Variants in A1CF observed in about 807,000 individuals in gnomAD.
A1CF encodes APOBEC1 complementation factor.
A neutral mutation model predicts 68.9 loss-of-function variants in A1CF; 48 were observed. The observed-to-expected ratio is 0.70, with a 90% CI of 0.55 to 0.89. The LOEUF is 0.89. Ranked by LOEUF, A1CF falls within the 40% of genes least tolerant of loss-of-function variation. The pLI, the probability that A1CF is intolerant of heterozygous loss-of-function variation, is 0.00. For synonymous variants in A1CF, 272 were observed against 260.4 expected, an observed-to-expected ratio of 1.04 and a Z score of -0.43; for missense variants, 653 against 718.9, an observed-to-expected ratio of 0.91 and a Z score of 1.05.
intron 1 of A1CF, among the ~76,000 whole-genome samples, chr10:50,884,358 G>A (rs549398380): frequency 6.6e-6 from 1 of 152,170 alleles, no homozygotes; most frequent in African/African-American, 2.4e-5. Context: ...ACAGTAAAAT[G>A]TTAAGAGTTG....
At chr10:50,813,415 C>T (rs188519292) in intron 10 of A1CF, among the ~76,000 whole-genome samples, 1 of 152,126 alleles carries the variant, frequency 6.6e-6, no homozygotes, top group Non-Finnish European at 1.5e-5. Context: ...ACCCAGATAT[C>T]ATGGTGGAGT....
Position 50,813,888 on chromosome 10 carries a change from A to G in A1CF, c.1292T>C (p.Leu431Ser), listed in dbSNP as rs140399088. 1.2e-6 allele frequency: 2 copies of G among 1,613,776 alleles called. No individual in the cohort carries two copies. The highest frequency in any genetic ancestry group is 2.7e-5 in the African/African-American group (2 of 74,922). The change falls in exon 10 of 13, where the codon TTA becomes TCA. Residue 431 changes from leucine to serine, a missense_variant. Coordinates refer to ENST00000373997, the MANE Select transcript of A1CF (RefSeq NM_014576.4). ...AGCGAGTTTAATTCCTTGGGGTTTT[A>G]ATGTGACAGGATTCATTGGGGTGAG... Reference protein sequence around the residue: ...MELTPMNPVTLKPQGIKLAPQ... With the variant: ...MELTPMNPVTSKPQGIKLAPQ...
At chr10:50,837,553 C>CTACCGTGA (rs1839561137) in intron 5 of A1CF, among the ~76,000 whole-genome samples, 1 of 152,188 alleles carries the variant, frequency 6.6e-6, no homozygotes, top group African/African-American at 2.4e-5. Context: ...AAATACCTCA[C>CTACCGTGA]GGTAAAGAAC....
At chr10:50,834,641 G>T (rs201984183) in intron 6 of A1CF, among the ~76,000 whole-genome samples, 1 of 152,196 alleles carries the variant, frequency 6.6e-6, no homozygotes, top group African/African-American at 2.4e-5. Context: ...TGGCCAGTTA[G>T]TGACAGACAT....
chr10:50,858,921 C>G (rs1840611688), intron 3 of A1CF, among the ~76,000 whole-genome samples: 1 of 151,964 alleles, frequency 6.6e-6, no homozygotes, highest in Non-Finnish European at 1.5e-5. Flanking sequence ...ATAACTATTA[C>G]TATGTCTAAC....
At chr10:50,873,034 C>A (rs1189953479) in intron 1 of A1CF, among the ~76,000 whole-genome samples, 2 of 136,376 alleles carry the variant, frequency 1.5e-5, no homozygotes, top group East Asian at 2.4e-4. Context: ...CAGCTCACTG[C>A]AACTTTCTCC....
Position 50,805,654 on chromosome 10 carries a change from G to C in A1CF, c.*1075C>G, listed in dbSNP as rs1201450793. The C allele has an allele frequency of 6.6e-6, 1 of 152,166 alleles. No homozygotes were observed. Among genetic ancestry groups the C allele is most frequent in the Non-Finnish European group, 1.5e-5 (1 of 68,028 alleles). 9.4% of individuals were successfully genotyped at this position (152,166 alleles called of 1,614,324 possible). ...GAAACAAAAAGGAAGGAAAGTTAGA[G>C]GATTTCCTGGCAGATTTAAAATAAA... On this transcript the variant is annotated 3_prime_UTR_variant, in exon 13 of 13. Transcript: ENST00000373997.
At chr10:50,861,657 G>C (rs576892187) in intron 2 of A1CF, among the ~76,000 whole-genome samples, 81 of 147,778 alleles carry the variant, frequency 5.5e-4, no homozygotes, top group Non-Finnish European at 9.2e-4. Context: ...AATAATGACA[G>C]TGCTAGTATT....
chr10:50,814,032 G>T lies in A1CF; in HGVS notation c.1148C>A (p.Ala383Glu). 1.2e-6 allele frequency: 2 copies of T among 1,613,372 alleles called. No homozygotes were observed. The highest frequency in any genetic ancestry group is 2.2e-5 in the East Asian group (1 of 44,830). The change falls in exon 10 of 13, where the codon GCG (alanine) becomes GAG (glutamate). Residue 383 changes from alanine (A) to glutamate (E), a missense_variant. Ala to Glu is a moderately radical substitution (Grantham distance 107, BLOSUM62 -1). Transcript: ENST00000373997. Reference protein sequence around the residue: ...IIRAPSVRGAAGVRGLGGRGY... With the variant: ...IIRAPSVRGAEGVRGLGGRGY... The stretch of plus-strand genomic sequence containing the variant: ...ACGGCCGCCCAGTCCTCTCACTCCC[G>T]CAGCCCCTACAGGTACATTCATGTA...
intron 10 of A1CF, among the ~76,000 whole-genome samples, chr10:50,812,146 G>T (rs1283714902): frequency 6.6e-6 from 1 of 151,842 alleles, no homozygotes. Context: ...GTAATCCTCA[G>T]AGCATTCTCT....
At chr10:50,845,403 C>T (rs1272263213) in intron 3 of A1CF, among the ~76,000 whole-genome samples, 1 of 152,170 alleles carries the variant, frequency 6.6e-6, no homozygotes, top group East Asian at 1.9e-4. Flanking sequence ...TCTTTTCAAA[C>T]AAATACCTAT....
rs180953690 is a variant in A1CF, at chr10:50,850,004, C to G, written c.100-5882G>C. ...AGAGACGGAGTTTCACTGTGTTAGC[C>G]AGGAGATTTAATGAATTCTAAATAA... is the stretch of plus-strand genomic sequence containing the variant. On this transcript the variant is annotated intron_variant, in intron 3 of 12. Coordinates refer to ENST00000373997, the MANE Select transcript of A1CF (RefSeq NM_014576.4). 9.7e-4 allele frequency among the ~76,000 whole-genome samples: 148 copies of G among 152,054 alleles called. 1 individual carries two copies. The highest frequency in any genetic ancestry group is 5.4e-3 in the South Asian group (26 of 4,810).
chr10:50,847,489 T>C (rs1840053460), intron 3 of A1CF, among the ~76,000 whole-genome samples: 1 of 152,182 alleles, frequency 6.6e-6, no homozygotes, highest in Admixed American at 6.5e-5. Context: ...AGATTTTGTC[T>C]ACCATCTTCT....
At chr10:50,842,083 A>G in intron 4 of A1CF, 91 bp from the exon 5 acceptor site, 1 of 1,196,878 alleles carries the variant, frequency 8.4e-7, no homozygotes, top group Non-Finnish European at 1.2e-6. Context: ...AAACACACAC[A>G]CACACAATGC....
chr10:50,836,424 G>C (rs542208453), intron 5 of A1CF, 112 bp from the exon 6 acceptor site: 2 of 1,149,692 alleles, frequency 1.7e-6, no homozygotes, highest in African/African-American at 1.5e-5. Flanking sequence ...TGGGTTCATA[G>C]TGTTGAAACC....
intron 6 of A1CF, among the ~76,000 whole-genome samples, chr10:50,832,810 G>C (rs1359938431): frequency 6.6e-6 from 1 of 151,776 alleles, no homozygotes; most frequent in Non-Finnish European, 1.5e-5. Flanking sequence ...TCCTGTTTTT[G>C]TGTATGTATA....
chr10:50,821,283 C>T (rs542991716), intron 7 of A1CF, among the ~76,000 whole-genome samples: 45 of 152,244 alleles, frequency 3.0e-4, no homozygotes, highest in African/African-American at 9.9e-4. Flanking sequence ...GCCTGCCTTG[C>T]TGTCATGATA....
rs1837667362 is a variant in A1CF, at chr10:50,803,026, T to C, written c.*3703A>G. On this transcript the variant is annotated 3_prime_UTR_variant, in exon 13 of 13. Coordinates refer to ENST00000373997, the MANE Select transcript of A1CF (RefSeq NM_014576.4). ...ATCAGTATATACTTATAGTTTAATT[T>C]CTATTCCATCATGAAAAAGTTAAGA... 1 of 152,212 alleles carries C rather than the reference T, an allele frequency of 6.6e-6. No homozygotes were observed. The highest frequency in any genetic ancestry group is 2.1e-4 in the South Asian group (1 of 4,832). The allele number at this position is 152,212 out of a possible 1,614,324, so 9.4% of individuals were successfully genotyped here.
Position 50,802,618 on chromosome 10 carries a change from G to T in A1CF, c.*4111C>A, listed in dbSNP as rs1837644982. On this transcript the variant is annotated 3_prime_UTR_variant, in exon 13 of 13. Transcript: ENST00000373997. ...ATGAATGCAAGAAGAGAATAATCATGACTTTATGTGAATATTGAGCACATA... is the reference window on the plus strand; with the variant it reads ...ATGAATGCAAGAAGAGAATAATCATTACTTTATGTGAATATTGAGCACATA... 1 of 152,098 alleles carries T rather than the reference G, an allele frequency of 6.6e-6. No homozygotes were observed. The highest frequency in any genetic ancestry group is 6.6e-5 in the Admixed American group (1 of 15,266). The allele number at this position is 152,098 out of a possible 1,614,324, so 9.4% of individuals were successfully genotyped here. A position where few individuals can be genotyped will look rare whatever the true frequency, so the allele number is the denominator to read the frequency against.
Sources: gnomAD v4.1 joint callset for allele counts (sites outside exome capture counted in the v4.1 genomes callset) on GRCh38, gnomAD v4.1.1 for gene constraint, MANE v1.5 for transcripts, NCBI Gene and HGNC (gene_info 2026-07-23, HGNC 2026-07-21) for gene names.